The following EXOC4 variants were observed in gnomAD, a reference collection of about 807,000 sequenced individuals.
EXOC4 encodes SEC8-like 1.
In EXOC4, 71 loss-of-function variants were observed where a neutral mutation model predicts 107.2. The observed-to-expected ratio is 0.66, with a 90% CI of 0.55 to 0.81. The LOEUF is 0.81. EXOC4 is among the 30% of genes least tolerant of loss of function. EXOC4 has a pLI of 0.00. For synonymous variants in EXOC4, 456 were observed against 441.2 expected, an observed-to-expected ratio of 1.03 and a Z score of -0.42; for missense variants, 1,108 against 1,189.6, an observed-to-expected ratio of 0.93 and a Z score of 1.01.
chr7:133,420,341 G>A (rs930741835), intron 7 of EXOC4, among the ~76,000 whole-genome samples: 3 of 151,498 alleles, frequency 2.0e-5, no homozygotes, highest in African/African-American at 7.3e-5. Context: ...TGGTATATAT[G>A]TGCCACATTT....
intron 3 of EXOC4, among the ~76,000 whole-genome samples, chr7:133,300,079 A>G (rs191888326): frequency 1.5e-3 from 230 of 152,276 alleles, no homozygotes; most frequent in Admixed American, 2.6e-3. Context: ...AGTCTGCTTT[A>G]TAGGTATTGG....
rs549703482 is a variant in EXOC4 at position 133,378,659 on chromosome 7, A to T, written c.1182+3657A>T. On this transcript the variant is annotated intron_variant, in intron 7 of 17. Transcript: ENST00000253861. ...TAGGGTAGCCTATGATAAGTTAAGG[A>T]TGCATATTTCAATCCCTAGAGCAAA... Among the ~76,000 whole-genome samples the T allele has an allele frequency of 3.3e-5, 5 of 152,160 alleles. No homozygotes were observed. The South Asian group carries it at 6.2e-4, about 19-fold the overall frequency.
chr7:133,393,933 G>T (rs991189615), intron 7 of EXOC4, among the ~76,000 whole-genome samples: 24 of 152,138 alleles, frequency 1.6e-4, no homozygotes, highest in Admixed American at 3.3e-4. Flanking sequence ...AGCTACGAAG[G>T]TTTGCTATAT....
At chr7:133,906,401 G>A (rs1009221793) in intron 12 of EXOC4, among the ~76,000 whole-genome samples, 2 of 152,172 alleles carry the variant, frequency 1.3e-5, no homozygotes, top group Admixed American at 6.5e-5. Context: ...AAACACGGGG[G>A]CTTGCAACTT....
chr7:133,643,654 CA>C (rs914178288), intron 10 of EXOC4, among the ~76,000 whole-genome samples: 1 of 152,148 alleles, frequency 6.6e-6, no homozygotes, highest in African/African-American at 2.4e-5. Context: ...AGAAACACAC[CA>C]ATCCTCAGCC....
chr7:133,591,777 A>G (rs955281575), intron 9 of EXOC4, among the ~76,000 whole-genome samples: 2 of 152,156 alleles, frequency 1.3e-5, no homozygotes, highest in Non-Finnish European at 2.9e-5. Context: ...AAAAGGTGAC[A>G]CTTGGGTTTG....
intron 9 of EXOC4, among the ~76,000 whole-genome samples, chr7:133,499,771 T>A (rs1425290064): frequency 1.3e-5 from 2 of 152,154 alleles, no homozygotes; most frequent in Non-Finnish European, 2.9e-5. Flanking sequence ...ATTTTTCTCT[T>A]GCTCATGCCA....
At chr7:133,404,257 G>A (rs1797159931) in intron 7 of EXOC4, among the ~76,000 whole-genome samples, 1 of 151,998 alleles carries the variant, frequency 6.6e-6, no homozygotes, top group Admixed American at 6.6e-5. Context: ...CCGCCACTAC[G>A]CCCGGCTAAT....
intron 11 of EXOC4, among the ~76,000 whole-genome samples, chr7:133,824,438 G>T (rs1797650544): frequency 6.6e-6 from 1 of 151,936 alleles, no homozygotes; most frequent in Non-Finnish European, 1.5e-5. Context: ...TCCCTTTCCT[G>T]CCTTCTACTA....
chr7:133,929,928 GT>G (rs751726172), intron 13 of EXOC4, among the ~76,000 whole-genome samples: 5 of 152,086 alleles, frequency 3.3e-5, no homozygotes, highest in Non-Finnish European at 7.3e-5. Flanking sequence ...GAGGTCAATT[GT>G]TTAATGTCTC....
At chr7:133,801,066 G>A (rs1796930012) in intron 10 of EXOC4, among the ~76,000 whole-genome samples, 1 of 152,202 alleles carries the variant, frequency 6.6e-6, no homozygotes, top group Non-Finnish European at 1.5e-5. Context: ...TATAATCGTG[G>A]CCTAAAGAAA....
chr7:134,063,991 TTTC>T (rs1201761660), intron 17 of EXOC4, among the ~76,000 whole-genome samples: 1 of 152,166 alleles, frequency 6.6e-6, no homozygotes. Flanking sequence ...TTTTCTTTCC[TTTC>T]TCCCAAGGTA....
At chr7:133,303,036 A>G (rs1338047524) in intron 3 of EXOC4, among the ~76,000 whole-genome samples, 1 of 152,220 alleles carries the variant, frequency 6.6e-6, no homozygotes, top group East Asian at 1.9e-4. Context: ...CCTCCCCAGT[A>G]CAACAGAATT....
At chr7:133,827,784 T>C (rs1466794726) in intron 11 of EXOC4, among the ~76,000 whole-genome samples, 1 of 152,160 alleles carries the variant, frequency 6.6e-6, no homozygotes, top group Non-Finnish European at 1.5e-5. Flanking sequence ...CTGGAGGACT[T>C]TATCTCCTTG....
At chr7:133,403,178 C>T (rs573571474) in intron 7 of EXOC4, among the ~76,000 whole-genome samples, 7 of 152,284 alleles carry the variant, frequency 4.6e-5, no homozygotes, top group East Asian at 3.9e-4. Context: ...CCATCGTGCC[C>T]GGCTGCAAGA....
At chr7:133,570,023 A>C (rs1800987455) in intron 9 of EXOC4, among the ~76,000 whole-genome samples, 1 of 152,216 alleles carries the variant, frequency 6.6e-6, no homozygotes, top group Non-Finnish European at 1.5e-5. Flanking sequence ...CTTCTGTACC[A>C]AGATGTCAGT....
chr7:133,925,517 AAGCAAAGAGGAC>A (rs1160356212), intron 13 of EXOC4, among the ~76,000 whole-genome samples: 2 of 152,060 alleles, frequency 1.3e-5, no homozygotes, highest in African/African-American at 4.8e-5. Context: ...GGTGTTGGGG[AAGCAAAGAGGAC>A]AGGGAAGGAG....
chr7:133,728,373 A>G (rs1795259314), intron 10 of EXOC4, among the ~76,000 whole-genome samples: 1 of 152,230 alleles, frequency 6.6e-6, no homozygotes, highest in African/African-American at 2.4e-5. Flanking sequence ...GAGACTTTGT[A>G]TTGATGTTGT....
intron 7 of EXOC4, among the ~76,000 whole-genome samples, chr7:133,439,870 T>C (rs1431683211): frequency 1.3e-5 from 2 of 152,176 alleles, no homozygotes; most frequent in Non-Finnish European, 2.9e-5. Flanking sequence ...TTCCTAACAA[T>C]GAAGCCATCA....
Sources: allele counts gnomAD v4.1 joint callset (sites outside exome capture counted in the v4.1 genomes callset), GRCh38; gene constraint gnomAD v4.1.1; transcripts MANE v1.5; gene names NCBI Gene and HGNC (gene_info 2026-07-23, HGNC 2026-07-21).